Variants in SH3PXD2A observed in about 807,000 individuals in gnomAD.
The protein encoded by SH3PXD2A is SH3 and PX domains 2A, also known as SH3 and PX domain-containing protein 2A.
A neutral mutation model predicts 115.2 loss-of-function variants in SH3PXD2A; 32 were observed. That is an observed-to-expected ratio of 0.28 (90% confidence interval 0.21 to 0.37). The LOEUF is 0.37. Ranked by LOEUF, SH3PXD2A falls within the 10% of genes least tolerant of loss-of-function variation. The pLI, the probability that SH3PXD2A is intolerant of heterozygous loss-of-function variation, is 1.00. For synonymous variants in SH3PXD2A, 610 were observed against 629.1 expected (o/e 0.97, Z 0.45); for missense variants, 1,328 against 1,498.7 (o/e 0.89, Z 1.88).
intron 4 of SH3PXD2A, among the ~76,000 whole-genome samples, chr10:103,728,897 G>GTTTTTTTTTTT (rs57283527): frequency 7.4e-6 from 1 of 135,922 alleles, no homozygotes; most frequent in African/African-American, 2.7e-5. Flanking sequence ...TTGTTTGTTT[G>GTTTTTTTTTTT]TTTTTTTTTT....
At chr10:103,707,327 T>C (rs2037993861) in intron 5 of SH3PXD2A, among the ~76,000 whole-genome samples, 1 of 151,454 alleles carries the variant, frequency 6.6e-6, no homozygotes, top group Non-Finnish European at 1.5e-5. Context: ...TCCAAGTAGT[T>C]GGGATTACAG....
At chr10:103,696,028 A>G (rs1469668065) in intron 5 of SH3PXD2A, among the ~76,000 whole-genome samples, 1 of 152,218 alleles carries the variant, frequency 6.6e-6, no homozygotes, top group Non-Finnish European at 1.5e-5. Context: ...GAGGCTCAAG[A>G]CAAATGCCCA....
intron 8 of SH3PXD2A, among the ~76,000 whole-genome samples, 173 bp downstream of exon 8, chr10:103,660,810 G>A (rs1224739037): frequency 3.3e-5 from 5 of 152,252 alleles, no homozygotes; most frequent in African/African-American, 1.2e-4. Flanking sequence ...CAGGCAAACT[G>A]CTGGCCTGCA....
intron 3 of SH3PXD2A, among the ~76,000 whole-genome samples, chr10:103,764,609 G>A (rs2038734867): frequency 2.6e-5 from 4 of 152,190 alleles, no homozygotes; most frequent in Non-Finnish European, 5.9e-5. Context: ...ATTAACAGCT[G>A]CCATTTATTA....
At chr10:103,825,148 G>A (rs2039417652) in intron 1 of SH3PXD2A, among the ~76,000 whole-genome samples, 2 of 152,198 alleles carry the variant, frequency 1.3e-5, no homozygotes, top group Non-Finnish European at 2.9e-5. Context: ...TGTGAATTCT[G>A]TGAATGCATC....
rs374232966 is a variant in SH3PXD2A, at chr10:103,678,218, G to A, written c.428-9566C>T. 1,294 of 1,180,766 alleles carry A rather than the reference G, an allele frequency of 1.1e-3. 1 individual carries two copies. Among genetic ancestry groups the A allele is most frequent in the Admixed American group, 1.9e-3 (83 of 43,430 alleles). The allele number at this position is 1,180,766 out of a possible 1,614,324, so 73.1% of individuals were successfully genotyped here. The stretch of plus-strand genomic sequence containing the variant: ...CATGGTGTTTGCTGGGAGCCCCTGA[G>A]CCTTTCCTTACCCCATCCCTCCCCT... On this transcript the variant is annotated intron_variant, in intron 6 of 14. Transcript: ENST00000369774.
intron 5 of SH3PXD2A, among the ~76,000 whole-genome samples, chr10:103,702,585 C>CTGTGTGTGTGTGTGTGTGTG (rs61568990): frequency 3.9e-4 from 13 of 33,002 alleles, no homozygotes; most frequent in African/African-American, 1.3e-3. Flanking sequence ...AGATGTAAGC[C>CTGTGTGTGTGTGTGTGTGTG]TGTGTGTGTG....
chr10:103,855,001 G>T (rs563298012), intron 1 of SH3PXD2A, among the ~76,000 whole-genome samples, 194 bp downstream of exon 1: 1 of 152,304 alleles, frequency 6.6e-6, no homozygotes, highest in Admixed American at 6.5e-5. Flanking sequence ...AAACCGGGGG[G>T]GCGGGGGTGC....
chr10:103,698,021 A>C (rs1477879367), intron 5 of SH3PXD2A, among the ~76,000 whole-genome samples: 1 of 152,126 alleles, frequency 6.6e-6, no homozygotes, highest in African/African-American at 2.4e-5. Context: ...CCTGAAGCTA[A>C]ACAGACAGCC....
At chr10:103,779,186 A>G (rs1209985513) in intron 2 of SH3PXD2A, among the ~76,000 whole-genome samples, 1 of 152,172 alleles carries the variant, frequency 6.6e-6, no homozygotes, top group African/African-American at 2.4e-5. Flanking sequence ...CTCCTGCCTC[A>G]GCCTCCCGAG....
At chr10:103,807,056 G>A (rs1348914870) in intron 1 of SH3PXD2A, among the ~76,000 whole-genome samples, 3 of 152,218 alleles carry the variant, frequency 2.0e-5, no homozygotes, top group Non-Finnish European at 4.4e-5. Context: ...TTCCCAGTGG[G>A]TGCTTCTGTC....
At chr10:103,816,990 C>A (rs1217660558) in intron 1 of SH3PXD2A, among the ~76,000 whole-genome samples, 8 of 138,768 alleles carry the variant, frequency 5.8e-5, no homozygotes, top group South Asian at 5.0e-4. Context: ...GCCAACACAC[C>A]CGGCTAATTT....
At chr10:103,677,579 T>C (rs1467589473) in intron 6 of SH3PXD2A, among the ~76,000 whole-genome samples, 1 of 152,094 alleles carries the variant, frequency 6.6e-6, no homozygotes, top group Non-Finnish European at 1.5e-5. Flanking sequence ...AGGTTTTCTG[T>C]CTCCCTTATC....
At chr10:103,720,455 C>T (rs1431495928) in intron 5 of SH3PXD2A, among the ~76,000 whole-genome samples, 1 of 152,196 alleles carries the variant, frequency 6.6e-6, no homozygotes, top group Admixed American at 6.5e-5. Context: ...CTGCCCACCT[C>T]CCCCACTGAG....
chr10:103,644,334 C>T (rs575653609), intron 8 of SH3PXD2A, among the ~76,000 whole-genome samples: 1 of 152,072 alleles, frequency 6.6e-6, no homozygotes, highest in South Asian at 2.1e-4. Context: ...AATCCCAGCA[C>T]TTTGGGAGGC....
chr10:103,694,450 T>C (rs1426539021), intron 5 of SH3PXD2A, among the ~76,000 whole-genome samples: 3 of 152,138 alleles, frequency 2.0e-5, no homozygotes, highest in Non-Finnish European at 4.4e-5. Context: ...GTGATTTGCC[T>C]GCACAGCCAG....
At chr10:103,706,681 G>A (rs765389255) in intron 5 of SH3PXD2A, among the ~76,000 whole-genome samples, 1 of 152,184 alleles carries the variant, frequency 6.6e-6, no homozygotes, top group Non-Finnish European at 1.5e-5. Context: ...CAAGCTCAGG[G>A]CTGCCGGATG....
At chr10:103,677,628 C>G (rs1195155419) in intron 6 of SH3PXD2A, among the ~76,000 whole-genome samples, 1 of 152,170 alleles carries the variant, frequency 6.6e-6, no homozygotes, top group African/African-American at 2.4e-5. Context: ...ACTGTTCCCA[C>G]TGGCTCCAAA....
intron 1 of SH3PXD2A, among the ~76,000 whole-genome samples, chr10:103,853,920 T>C (rs1261555160): frequency 6.6e-6 from 1 of 152,104 alleles, no homozygotes; most frequent in Non-Finnish European, 1.5e-5. Flanking sequence ...CAGCAGAAAA[T>C]GCTTGCTGGA....
Sources: gnomAD v4.1 joint callset for allele counts (sites outside exome capture counted in the v4.1 genomes callset) on GRCh38, gnomAD v4.1.1 for gene constraint, MANE v1.5 for transcripts, NCBI Gene and HGNC (gene_info 2026-07-23, HGNC 2026-07-21) for gene names.